DISP2: variants seen among roughly 807,000 people sequenced by gnomAD.
DISP2 encodes dispatched RND transporter family member 2, also known as protein dispatched homolog 2.
Under a neutral mutation model 95.5 loss-of-function variants are expected in DISP2, and 59 were observed. The observed-to-expected ratio is 0.62, with a 90% confidence interval of 0.50 to 0.77. The LOEUF is 0.77. DISP2 is among the 30% of genes least tolerant of loss of function. The pLI, the probability that DISP2 is intolerant of heterozygous loss-of-function variation, is 0.00. For synonymous variants in DISP2, 827 were observed against 815.0 expected (o/e 1.01, Z -0.25); for missense variants, 1,752 against 1,854.6 (o/e 0.94, Z 1.02).
chr15:40,360,902 G>A (rs61654142), intron 1 of DISP2, among the ~76,000 whole-genome samples: 29,224 of 152,126 alleles, frequency 0.19, 2,961 homozygotes, highest in Non-Finnish European at 0.22. Context: ...TCATCTTCAG[G>A]CCTCTAGGAG....
chr15:40,365,222 G>A lies in DISP2; in HGVS notation c.795G>A (p.Met265Ile). The A allele has an allele frequency of 6.2e-7, 1 of 1,614,150 alleles. No individual in the cohort carries two copies. ...AQESAVRPRRMVEPLEDRRQE... is the reference protein window; with the variant it reads ...AQESAVRPRRIVEPLEDRRQE... ...AGAGCGCTGTCCGGCCTCGGAGAATGGTGGAGCCCCTGGAGGACAGAAGGC... is the reference window on the plus strand; with the variant it reads ...AGAGCGCTGTCCGGCCTCGGAGAATAGTGGAGCCCCTGGAGGACAGAAGGC... Residue 265 changes from methionine (M) to isoleucine (I), a missense_variant, in exon 6 of 8, where the codon ATG becomes ATA. Met to Ile is a conservative substitution (Grantham distance 10). Transcript: ENST00000267889.
rs1889441393 is a variant in DISP2, at chr15:40,363,623, A to G, written c.120-2A>G. 2 of 1,523,348 alleles carry G rather than the reference A, an allele frequency of 1.3e-6. No homozygotes were observed. Among genetic ancestry groups the G allele is most frequent in the South Asian group, 1.3e-5 (1 of 76,644 alleles). 94.4% of individuals were successfully genotyped at this position (1,523,348 alleles called of 1,614,324 possible). A position where few individuals can be genotyped will look rare whatever the true frequency, so the allele number is the denominator to read the frequency against. ...AATCTTCCTTGTCTCCTCTCTTCCT[A>G]GCACCCAGACCAAGGCTGTGCCCCC... On this transcript the variant is annotated splice_acceptor_variant, in intron 1 of 7. Coordinates refer to ENST00000267889, the MANE Select transcript of DISP2 (RefSeq NM_033510.3). LOFTEE classifies it high-confidence loss of function.
At chr15:40,364,278 C>T (rs371872055) in intron 3 of DISP2, 23 bp downstream of exon 3, 38 of 1,614,014 alleles carry the variant, frequency 2.4e-5, no homozygotes, top group Non-Finnish European at 3.1e-5. Context: ...CTTCCCTGGA[C>T]CTCTAGGGGT....
rs566914005 is a variant in DISP2 at position 40,369,423 on chromosome 15, G to T, written c.3311G>T (p.Ser1104Ile). 2 of 1,613,568 alleles carry T rather than the reference G, an allele frequency of 1.2e-6. No homozygotes were observed. The highest frequency in any genetic ancestry group is 1.7e-5 in the Admixed American group (1 of 60,036). ...MVKCVSCGFA[S>I]FFFQSLCCFF... is the part of the protein sequence containing the mutation. ...AAATGCGTCAGTTGTGGCTTTGCCA[G>T]CTTCTTCTTCCAATCTCTCTGCTGT... Residue 1104 changes from serine to isoleucine, a missense_variant, in exon 8 of 8, where the codon AGC becomes ATC. Coordinates refer to ENST00000267889, the MANE Select transcript of DISP2 (RefSeq NM_033510.3).
Position 40,368,247 on chromosome 15 carries a change from C to T in DISP2, c.2135C>T (p.Ala712Val), listed in dbSNP as rs1889547573. The change falls in exon 8 of 8, where the codon GCA (alanine) becomes GTA (valine). Residue 712 changes from alanine (A) to valine (V), a missense_variant. Physicochemically the swap from Ala to Val is moderately conservative, Grantham distance 64. Coordinates refer to ENST00000267889, the MANE Select transcript of DISP2 (RefSeq NM_033510.3). ...TACATCTGGATCTGCTGGTTCGCAG[C>T]ACTGGCGGCAGGGGGCGCCTACATC... ...FRYIWICWFA[A>V]LAAGGAYIAG... 2.5e-6 allele frequency: 4 copies of T among 1,610,362 alleles called. No homozygotes were observed. In the African/African-American group the frequency reaches 5.3e-5, roughly 22 times the overall value.
rs1889637075 is a variant in DISP2 at position 40,371,065 on chromosome 15, T to A, written c.*747T>A. On this transcript the variant is annotated 3_prime_UTR_variant, in exon 8 of 8. Transcript: ENST00000267889. ...TCCTTTCCATCTCTGCACATTTTAG[T>A]CTCCTTGGAATCTATCTCACTACTT... 2 of 165,644 alleles carry A rather than the reference T, an allele frequency of 1.2e-5. No individual in the cohort carries two copies. Among genetic ancestry groups the A allele is most frequent in the South Asian group, 3.2e-4 (2 of 6,218 alleles). 10.3% of individuals were successfully genotyped at this position (165,644 alleles called of 1,614,324 possible). A position where few individuals can be genotyped will look rare whatever the true frequency, so the allele number is the denominator to read the frequency against.
rs1015808441 is a variant in DISP2 at position 40,358,244 on chromosome 15, TGCCGCCGCCACCGCCGCCGCC to T, written c.-68_-48del. The T allele has an allele frequency of 1.8e-4, 143 of 779,894 alleles. 1 individual carries two copies. The highest frequency in any genetic ancestry group is 5.2e-4 in the Middle Eastern group (1 of 1,938). 48.3% of individuals were successfully genotyped at this position (779,894 alleles called of 1,614,324 possible). Reference sequence around the variant, plus strand: ...ATGCGCACGAGCACCCCGCCGCCGCTGCCGCCGCCACCGCCGCCGCCGCCGCCGCCGCCGCGGCTTCAGCAC... The same window carrying T: ...ATGCGCACGAGCACCCCGCCGCCGCTGCCGCCGCCGCCGCGGCTTCAGCAC... On this transcript the variant is annotated 5_prime_UTR_variant, in exon 1 of 8. Transcript: ENST00000267889.
In DISP2 at chr15:40,367,553, C is replaced by T. The variant is rs1164691280; in HGVS notation, c.1441C>T (p.Leu481=). ...GGACCTGGGCCTCAAGCAGGAGCTG[C>T]TGAGGCACTTCCTGGTCCAGGACAC... ...GMDLGLKQEL[L]RHFLVQDTVY... is the part of the protein sequence containing the mutation. Residue 481 remains leucine, a synonymous_variant, in exon 8 of 8, where the codon CTG becomes TTG. Transcript: ENST00000267889. The T allele has an allele frequency of 6.2e-7, 1 of 1,613,904 alleles. No homozygotes were observed. Among genetic ancestry groups the T allele is most frequent in the Admixed American group, 1.7e-5 (1 of 60,010 alleles).
chr15:40,363,515 C>G, intron 1 of DISP2, 110 bp from the exon 2 acceptor site: 3 of 808,240 alleles, frequency 3.7e-6, no homozygotes, highest in Non-Finnish European at 5.6e-6. Context: ...AATAAATCAA[C>G]CCTGAGTCCC....
chr15:40,363,079 G>A (rs1432465457), intron 1 of DISP2, among the ~76,000 whole-genome samples: 5 of 151,928 alleles, frequency 3.3e-5, no homozygotes, highest in Admixed American at 6.6e-5. Flanking sequence ...CGAGGCAGGC[G>A]GATCACGAGG....
In DISP2 at chr15:40,364,863, T is replaced by C. The variant is rs759567779; in HGVS notation, c.629T>C (p.Ile210Thr). ...LLGFEPRDTD[I>T]GSKLVVWRAL... ...GGCTTTGAGCCACGGGACACAGACA[T>C]TGGGAGCAAGTTAGTGGTCTGGAGA... is the stretch of plus-strand genomic sequence containing the variant. The change falls in exon 5 of 8, where the codon ATT becomes ACT. Residue 210 changes from isoleucine to threonine, a missense_variant. By Grantham distance (89) the Ile-to-Thr change is moderately conservative (BLOSUM62 -1). Coordinates refer to ENST00000267889, the MANE Select transcript of DISP2 (RefSeq NM_033510.3). The C allele has an allele frequency of 1.9e-5, 30 of 1,614,086 alleles. No homozygotes were observed. In the South Asian group the frequency reaches 2.0e-4, roughly 11 times the overall value.
In DISP2 at chr15:40,375,883, C is replaced by CCCACTTCCA. The variant is rs1889725606; in HGVS notation, c.*5566_*5567insCACTTCCAC. 1 of 152,372 alleles carries CCCACTTCCA rather than the reference C, an allele frequency of 6.6e-6. No homozygotes were observed. The highest frequency in any genetic ancestry group is 6.5e-5 in the Admixed American group (1 of 15,278). The allele number at this position is 152,372 out of a possible 1,614,324, so 9.4% of individuals were successfully genotyped here. On this transcript the variant is annotated 3_prime_UTR_variant, in exon 8 of 8. Transcript: ENST00000267889. ...AAGAAGCCACAGGCCTGACAGCTGT[C>CCCACTTCCA]CTTCCCAACTTCCACTTTCCCAGTT...
chr15:40,368,791 C>T lies in DISP2; in HGVS notation c.2679C>T (p.Arg893=), dbSNP rs751566545. ...GPDGTQDLGL[R]FDAHGSLAAL... ...ATGGCACCCAGGACCTGGGACTCCG[C>T]TTTGATGCCCATGGCAGCCTGGCCG... The change falls in exon 8 of 8, where the codon CGC becomes CGT. Residue 893 remains arginine, a synonymous_variant. Coordinates refer to ENST00000267889, the MANE Select transcript of DISP2 (RefSeq NM_033510.3). 1 of 1,613,938 alleles carries T rather than the reference C, an allele frequency of 6.2e-7. No homozygotes were observed. Among genetic ancestry groups the T allele is most frequent in the Non-Finnish European group, 8.5e-7 (1 of 1,180,038 alleles).
At chr15:40,358,616 A>C (rs1300305519) in intron 1 of DISP2, among the ~76,000 whole-genome samples, 176 bp downstream of exon 1, 1 of 151,330 alleles carries the variant, frequency 6.6e-6, no homozygotes, top group Non-Finnish European at 1.5e-5. Flanking sequence ...CTGCCGGGTC[A>C]ATTTCCTCGC....
rs765193725 is a variant in DISP2 at position 40,363,801 on chromosome 15, T to C, written c.296T>C (p.Leu99Pro). The change falls in exon 2 of 8, where the codon CTG (leucine) becomes CCG (proline). Residue 99 changes from leucine to proline, a missense_variant. Coordinates refer to ENST00000267889, the MANE Select transcript of DISP2 (RefSeq NM_033510.3). Reference protein sequence around the residue: ...APAHFTYPRALQEYQGGSSLP... With the variant: ...APAHFTYPRAPQEYQGGSSLP... The stretch of plus-strand genomic sequence containing the variant: ...GCCCACTTCACCTATCCCCGGGCAC[T>C]GCAGGAATACCAGGGGGGCAGTTCC... 2 of 1,612,814 alleles carry C rather than the reference T, an allele frequency of 1.2e-6. No individual in the cohort carries two copies. The highest frequency in any genetic ancestry group is 8.5e-7 in the Non-Finnish European group (1 of 1,179,236).
Position 40,378,456 on chromosome 15 carries a change from T to C in DISP2, c.*8138T>C, listed in dbSNP as rs183760893. On this transcript the variant is annotated 3_prime_UTR_variant, in exon 8 of 8. Coordinates refer to ENST00000267889, the MANE Select transcript of DISP2 (RefSeq NM_033510.3). ...CAGGTATATGTAATTTCTAAACTTATCAAATTGTACACTTAAAATATGTGG... is the reference window on the plus strand; with the variant it reads ...CAGGTATATGTAATTTCTAAACTTACCAAATTGTACACTTAAAATATGTGG... The C allele has an allele frequency of 5.3e-5, 8 of 152,268 alleles. No individual in the cohort carries two copies. In the East Asian group the frequency reaches 1.5e-3, roughly 29 times the overall value. The allele number at this position is 152,268 out of a possible 1,614,324, so 9.4% of individuals were successfully genotyped here.
intron 1 of DISP2, among the ~76,000 whole-genome samples, chr15:40,359,463 C>T (rs1055958442): frequency 1.3e-5 from 2 of 152,244 alleles, no homozygotes; most frequent in Non-Finnish European, 2.9e-5. Context: ...ACAAAGCCTT[C>T]AAGAAGGTGA....
chr15:40,370,463 GAT>G lies in DISP2; in HGVS notation c.*146_*147del. 7.6e-7 allele frequency: 1 copy of G among 1,323,132 alleles called. No individual in the cohort carries two copies. The highest frequency in any genetic ancestry group is 1.0e-6 in the Non-Finnish European group (1 of 980,692). The allele number at this position is 1,323,132 out of a possible 1,614,324, so 82.0% of individuals were successfully genotyped here. Reference sequence around the variant, plus strand: ...CAGCTGTGGATGTTAAACCCTGCCAGATGTCCCAGCCTTGATCTGTCTGCTCC... The same window carrying G: ...CAGCTGTGGATGTTAAACCCTGCCAGGTCCCAGCCTTGATCTGTCTGCTCC... On this transcript the variant is annotated 3_prime_UTR_variant, in exon 8 of 8. Transcript: ENST00000267889.
Position 40,365,256 on chromosome 15 carries a change from T to G in DISP2, c.829T>G (p.Phe277Val), listed in dbSNP as rs755662551. Residue 277 changes from phenylalanine to valine, a missense_variant, in exon 6 of 8, where the codon TTC becomes GTC. Physicochemically the swap from Phe to Val is conservative, Grantham distance 50 (BLOSUM62 -1). Transcript: ENST00000267889. ...CCTGGAGGACAGAAGGCAAGAGAACTTCTTCTGTGGCCCCCCTGGTAAGCT... is the reference window on the plus strand; with the variant it reads ...CCTGGAGGACAGAAGGCAAGAGAACGTCTTCTGTGGCCCCCCTGGTAAGCT... ...EPLEDRRQENFFCGPPEKSYA... is the reference protein window; with the variant it reads ...EPLEDRRQENVFCGPPEKSYA... The G allele has an allele frequency of 5.6e-6, 9 of 1,613,824 alleles. No individual in the cohort carries two copies. The highest frequency in any genetic ancestry group is 6.8e-6 in the Non-Finnish European group (8 of 1,179,962).
Sources: allele counts gnomAD v4.1 joint callset (sites outside exome capture counted in the v4.1 genomes callset), GRCh38; gene constraint gnomAD v4.1.1; transcripts MANE v1.5; gene names NCBI Gene and HGNC (gene_info 2026-07-23, HGNC 2026-07-21).